CRPPA: variants seen among roughly 807,000 people sequenced by gnomAD.
The protein encoded by CRPPA is CDP-L-ribitol pyrophosphorylase A.
A neutral mutation model predicts 52.0 loss-of-function variants in CRPPA; 43 were observed. The observed-to-expected ratio is 0.83, with a 90% CI of 0.65 to 1.07. The LOEUF is 1.07. CRPPA is among the 50% of genes least tolerant of loss of function. The pLI is 0.00. For missense variants in CRPPA, 629 were observed against 551.7 expected (o/e 1.14, Z -1.40); for synonymous variants, 250 against 203.5 (o/e 1.23, Z -1.94).
At chr7:16,097,918 T>C (rs1471480897) in intron 9 of CRPPA, among the ~76,000 whole-genome samples, 1 of 152,236 alleles carries the variant, frequency 6.6e-6, no homozygotes, top group Non-Finnish European at 1.5e-5. Context: ...GTCAACTTTA[T>C]ATGATGCCCA....
intron 3 of CRPPA, among the ~76,000 whole-genome samples, chr7:16,326,084 G>T (rs912043912): frequency 6.7e-6 from 1 of 148,734 alleles, no homozygotes; most frequent in Non-Finnish European, 1.5e-5. Context: ...AAAGCTCAGT[G>T]ACAGTACTAA....
rs183682742 is a variant in CRPPA, at chr7:16,138,990, C to A, written c.1252-47191G>T. 9.4e-3 allele frequency among the ~76,000 whole-genome samples: 1,437 copies of A among 152,228 alleles called. 12 individuals are homozygous for A. The highest frequency in any genetic ancestry group is 0.015 in the South Asian group (71 of 4,824). Reference sequence around the variant, plus strand: ...CTAATTTTTGTATTTTTAGTAGATACAGGTTTTCACCATGTTGGTCAGGTT... The same window carrying A: ...CTAATTTTTGTATTTTTAGTAGATAAAGGTTTTCACCATGTTGGTCAGGTT... On this transcript the variant is annotated intron_variant, in intron 9 of 9. Transcript: ENST00000407010.
At chr7:16,399,258 A>G (rs984395227) in intron 2 of CRPPA, among the ~76,000 whole-genome samples, 6 of 152,256 alleles carry the variant, frequency 3.9e-5, no homozygotes, top group African/African-American at 1.4e-4. Context: ...CACAGGTCCA[A>G]CATGTGACTG....
At chr7:16,286,166 A>G (rs1784444688) in intron 5 of CRPPA, among the ~76,000 whole-genome samples, 1 of 139,540 alleles carries the variant, frequency 7.2e-6, no homozygotes. Flanking sequence ...CTGATGGTTA[A>G]TTTGTGTATC....
At chr7:16,377,219 C>A (rs1432855718) in intron 2 of CRPPA, among the ~76,000 whole-genome samples, 5 of 152,020 alleles carry the variant, frequency 3.3e-5, no homozygotes, top group Non-Finnish European at 7.4e-5. Context: ...TGTGTCACAC[C>A]TTCCAGTGCC....
intron 3 of CRPPA, among the ~76,000 whole-genome samples, chr7:16,344,916 C>T (rs188270807): frequency 5.7e-4 from 86 of 151,220 alleles, no homozygotes; most frequent in African/African-American, 1.9e-3. Flanking sequence ...AAGGACAGGA[C>T]AGAGAAAGGA....
intron 3 of CRPPA, among the ~76,000 whole-genome samples, chr7:16,361,708 T>C (rs1786449368): frequency 6.6e-6 from 1 of 152,142 alleles, no homozygotes; most frequent in South Asian, 2.1e-4. Flanking sequence ...GGAGTTACCA[T>C]TTAATAAGCA....
intron 8 of CRPPA, among the ~76,000 whole-genome samples, chr7:16,239,137 C>CATAAAAAAA (rs1783032422): frequency 1.1e-5 from 1 of 88,526 alleles, no homozygotes; most frequent in African/African-American, 4.1e-5. Context: ...GACTCTGTCT[C>CATAAAAAAA]AAAAAAAAAA....
rs1226468477 is a variant in CRPPA, at chr7:16,098,751, GA to G, written c.1252-6953del. On this transcript the variant is annotated intron_variant, in intron 9 of 9. Transcript: ENST00000407010. ...TTGTAAACATTTTGCTGATATGGAA[GA>G]AAAAACCTAACGGGGGCACACTGTC... 2.6e-5 allele frequency among the ~76,000 whole-genome samples: 4 copies of G among 152,104 alleles called. No individual in the cohort carries two copies. In the East Asian group the frequency reaches 7.7e-4, roughly 29 times the overall value.
At chr7:16,131,973 T>G (rs1782689346) in intron 9 of CRPPA, among the ~76,000 whole-genome samples, 3 of 152,160 alleles carry the variant, frequency 2.0e-5, no homozygotes, top group Non-Finnish European at 4.4e-5. Context: ...GGGCAAAGCC[T>G]AGGCAGTGAA....
At chr7:16,175,515 A>G (rs1291701791) in intron 9 of CRPPA, among the ~76,000 whole-genome samples, 1 of 152,068 alleles carries the variant, frequency 6.6e-6, no homozygotes, top group Non-Finnish European at 1.5e-5. Context: ...ACAGATTCAC[A>G]CTCTTCTCCA....
At chr7:16,370,041 A>G (rs1434012824) in intron 3 of CRPPA, among the ~76,000 whole-genome samples, 1 of 152,232 alleles carries the variant, frequency 6.6e-6, no homozygotes, top group African/African-American at 2.4e-5. Context: ...AAGCAACAGC[A>G]GGAAGTCCCT....
chr7:16,167,328 T>G (rs1372529569), intron 9 of CRPPA, among the ~76,000 whole-genome samples: 1 of 152,238 alleles, frequency 6.6e-6, no homozygotes, highest in Non-Finnish European at 1.5e-5. Flanking sequence ...GTTGAGCTGA[T>G]CCAATCTTGT....
At chr7:16,262,271 A>G (rs1583475848) in intron 6 of CRPPA, among the ~76,000 whole-genome samples, 1 of 151,966 alleles carries the variant, frequency 6.6e-6, no homozygotes, top group Non-Finnish European at 1.5e-5. Context: ...CTAAACACCT[A>G]CTCTACTTTA....
At chr7:16,293,982 G>A (rs1784617101) in intron 5 of CRPPA, among the ~76,000 whole-genome samples, 1 of 151,754 alleles carries the variant, frequency 6.6e-6, no homozygotes, top group Non-Finnish European at 1.5e-5. Context: ...TAAACTCCCT[G>A]CTCCTTAAAA....
At chr7:16,197,041 C>A (rs920779845) in intron 9 of CRPPA, among the ~76,000 whole-genome samples, 1 of 151,366 alleles carries the variant, frequency 6.6e-6, no homozygotes, top group Non-Finnish European at 1.5e-5. Context: ...AAGCTATCTA[C>A]CCAAACCCAG....
intron 3 of CRPPA, among the ~76,000 whole-genome samples, chr7:16,336,186 G>A (rs1289803037): frequency 6.6e-6 from 1 of 152,164 alleles, no homozygotes; most frequent in Non-Finnish European, 1.5e-5. Context: ...CAATGGTGTA[G>A]ATAGTACGTA....
chr7:16,261,598 T>A (rs1170474347), intron 6 of CRPPA, among the ~76,000 whole-genome samples: 1 of 151,810 alleles, frequency 6.6e-6, no homozygotes, highest in African/African-American at 2.4e-5. Flanking sequence ...TGGAGCAATT[T>A]TTTTTTTTAA....
At chr7:16,312,117 T>G (rs1785046484) in intron 3 of CRPPA, among the ~76,000 whole-genome samples, 1 of 152,062 alleles carries the variant, frequency 6.6e-6, no homozygotes, top group African/African-American at 2.4e-5. Flanking sequence ...CTTGTGCCTC[T>G]TCAGATAAAC....
Sources: gnomAD v4.1 joint callset for allele counts (sites outside exome capture counted in the v4.1 genomes callset) on GRCh38, gnomAD v4.1.1 for gene constraint, MANE v1.5 for transcripts, NCBI Gene and HGNC (gene_info 2026-07-23, HGNC 2026-07-21) for gene names.